Variants in MYCBPAP observed in about 807,000 individuals in gnomAD.
MYCBPAP encodes the protein MYCBP-associated protein.
In MYCBPAP, 60 loss-of-function variants were observed where a neutral mutation model predicts 106.1. That is an observed-to-expected ratio of 0.57 (90% confidence interval 0.46 to 0.70). The LOEUF (loss-of-function observed/expected upper bound fraction) is 0.70, where lower values mean the gene tolerates loss of function less well. Among genes scored for constraint, MYCBPAP ranks in the 30% least tolerant of loss-of-function variants. MYCBPAP has a pLI of 0.00. For synonymous variants in MYCBPAP, 407 were observed against 440.6 expected, an observed-to-expected ratio of 0.92 and a Z score of 0.95; for missense variants, 1,064 against 1,169.3, an observed-to-expected ratio of 0.91 and a Z score of 1.31.
At chr17:50,522,864 T>C (rs1332699072) in intron 10 of MYCBPAP, 75 bp from the exon 11 acceptor site, 2 of 1,478,164 alleles carry the variant, frequency 1.4e-6, no homozygotes, top group Admixed American at 2.0e-5. Context: ...AGAAAAGTCC[T>C]GGGCAGACCA....
chr17:50,525,487 T>C (rs190470420), intron 13 of MYCBPAP, among the ~76,000 whole-genome samples: 17 of 152,142 alleles, frequency 1.1e-4, no homozygotes, highest in Admixed American at 5.2e-4. Flanking sequence ...TATTTATTTT[T>C]GTTTATTTTT....
intron 6 of MYCBPAP, 200 bp downstream of exon 6, chr17:50,519,289 ACCACACAGG>A: frequency 1.7e-6 from 1 of 593,490 alleles, no homozygotes; most frequent in Non-Finnish European, 3.0e-6. Context: ...GCCTGTGGTG[ACCACACAGG>A]TAGCAAGTTA....
At chr17:50,510,347 C>T (rs749326626) in intron 1 of MYCBPAP, 5 of 151,510 alleles carry the variant, frequency 3.3e-5, no homozygotes, top group African/African-American at 4.9e-5. Flanking sequence ...TGAATAGCCA[C>T]TGCATTCCAG....
intron 5 of MYCBPAP, 74 bp downstream of exon 5, chr17:50,518,798 C>G: frequency 6.5e-7 from 1 of 1,538,988 alleles, no homozygotes; most frequent in Non-Finnish European, 8.8e-7. Flanking sequence ...TTGCTCTCCT[C>G]CAGAGCCTGG....
At position 50,526,995 on chromosome 17, in the gene MYCBPAP, G is replaced by A. The variant is rs553562673; in HGVS notation, c.2170-292G>A. On this transcript the variant is annotated intron_variant, in intron 14 of 18. Coordinates refer to ENST00000323776, the MANE Select transcript of MYCBPAP (RefSeq NM_032133.6). Reference sequence around the variant, plus strand: ...CTCCCAAAGTGCTGGGATTATAGGCGTGAGCCACTGTGCCCAGCTGGGTTA... The same window carrying A: ...CTCCCAAAGTGCTGGGATTATAGGCATGAGCCACTGTGCCCAGCTGGGTTA... 3.9e-5 allele frequency among the ~76,000 whole-genome samples: 6 copies of A among 152,362 alleles called. No homozygotes were observed. The South Asian group carries it at 6.2e-4, about 16-fold the overall frequency.
chr17:50,522,132 G>A (rs1316862762), intron 10 of MYCBPAP, 51 bp downstream of exon 10: 2 of 1,453,182 alleles, frequency 1.4e-6, no homozygotes, highest in Admixed American at 3.4e-5. Flanking sequence ...CAGGGGTGCA[G>A]CCCTGAGGTG....
chr17:50,518,945 A>T, intron 5 of MYCBPAP, 29 bp from the exon 6 acceptor site: 1 of 1,597,310 alleles, frequency 6.3e-7, no homozygotes, highest in Non-Finnish European at 8.6e-7. Context: ...GGTTCGGCAG[A>T]GTGGCGGCAA....
Position 50,526,047 on chromosome 17 carries a change from G to T in MYCBPAP, c.1949G>T (p.Ser650Ile), listed in dbSNP as rs747602769. The change falls in exon 14 of 19, where the codon AGC becomes ATC. Residue 650 changes from serine to isoleucine, a missense_variant. Physicochemically the swap from Ser to Ile is moderately radical, Grantham distance 142 (BLOSUM62 -2). Transcript: ENST00000323776. ...VNAELLPRFR[S>I]PISETQVPRP... ...GCTGAGCTGTTACCACGCTTTAGGA[G>T]CCCCATCTCCGAAACTCAAGTGCCC... is the stretch of plus-strand genomic sequence containing the variant. 6.2e-6 allele frequency: 10 copies of T among 1,613,838 alleles called. No homozygotes were observed. In the Admixed American group the frequency reaches 1.3e-4, roughly 22 times the overall value.
chr17:50,522,602 G>GA (rs2034298902), intron 10 of MYCBPAP: 1 of 150,072 alleles, frequency 6.7e-6, no homozygotes, highest in South Asian at 2.1e-4. Context: ...GCTGAGGCAG[G>GA]AGAATCGCTT....
In MYCBPAP at chr17:50,527,316, C is replaced by T. The variant is rs745454477; in HGVS notation, c.2199C>T (p.His733=). Residue 733 remains histidine (H), a synonymous_variant, in exon 15 of 19, where the codon CAC becomes CAT. Transcript: ENST00000323776. ...TGATGGTGCTCCCTGATGAGAACCA[C>T]AGAGAGGATGCGTTGATGAGGCTCA... ...KAVMVLPDEN[H]REDALMRLNK... 16 of 1,614,150 alleles carry T rather than the reference C, an allele frequency of 9.9e-6. No individual in the cohort carries two copies. Among genetic ancestry groups the T allele is most frequent in the Admixed American group, 1.7e-5 (1 of 60,018 alleles).
intron 13 of MYCBPAP, among the ~76,000 whole-genome samples, chr17:50,525,579 C>T (rs1005708732): frequency 1.3e-5 from 2 of 151,912 alleles, no homozygotes; most frequent in African/African-American, 4.8e-5. Flanking sequence ...CTCAAACTCC[C>T]CGGCTCAGGT....
chr17:50,527,474 C>A (rs752715215), intron 15 of MYCBPAP, 66 bp downstream of exon 15: 34 of 1,594,050 alleles, frequency 2.1e-5, no homozygotes, highest in Non-Finnish European at 2.8e-5. Context: ...GGGTCCTGGG[C>A]AGGCAGTCCT....
At chr17:50,529,667 C>A in intron 18 of MYCBPAP, 1 of 446,966 alleles carries the variant, frequency 2.2e-6, no homozygotes, top group South Asian at 1.6e-5. Flanking sequence ...GCAATAGGGT[C>A]TGATAGGCTT....
rs1217176467 is a variant in MYCBPAP at position 50,529,031 on chromosome 17, G to A, written c.2567G>A (p.Ser856Asn). The A allele has an allele frequency of 6.2e-6, 10 of 1,613,928 alleles. No homozygotes were observed. The highest frequency in any genetic ancestry group is 5.3e-5 in the African/African-American group (4 of 74,924). ...CTCCCCCAGCAGGACCGTCCCAACA[G>A]CAAGAAGCACAAGGCAAAGGATGAC... ...KLLGKEDRPN[S>N]KKHKAKDDKK... Residue 856 changes from serine to asparagine, a missense_variant, in exon 18 of 19, where the codon AGC becomes AAC. Transcript: ENST00000323776.
chr17:50,510,758 C>T (rs1362360036), intron 1 of MYCBPAP, among the ~76,000 whole-genome samples: 1 of 141,762 alleles, frequency 7.1e-6, no homozygotes, highest in Non-Finnish European at 1.5e-5. Context: ...TGGGCTCAAG[C>T]GATCCTCCCA....
chr17:50,519,464 A>T, intron 6 of MYCBPAP, 176 bp from the exon 7 acceptor site: 1 of 753,634 alleles, frequency 1.3e-6, no homozygotes, highest in Non-Finnish European at 2.1e-6. Context: ...GGTAAAGATG[A>T]CAACAGGGTG....
rs139010123 is a variant in MYCBPAP, at chr17:50,527,678, C to T, written c.2291+270C>T. ...AGCAGGGGAATGGAAAAAGGAGAAGCCAGAGGGCAGGAAGAAGACGGGGGG... is the reference window on the plus strand; with the variant it reads ...AGCAGGGGAATGGAAAAAGGAGAAGTCAGAGGGCAGGAAGAAGACGGGGGG... On this transcript the variant is annotated intron_variant, in intron 15 of 18. Transcript: ENST00000323776. Among the ~76,000 whole-genome samples, 181 of 152,288 alleles carry T rather than the reference C, an allele frequency of 1.2e-3. No individual in the cohort carries two copies. In the East Asian group the frequency reaches 0.033, roughly 28 times the overall value.
chr17:50,518,202 T>TTGGTCAGGCGCTAAGGGGCC (rs1331233539), intron 4 of MYCBPAP, among the ~76,000 whole-genome samples: 1 of 152,234 alleles, frequency 6.6e-6, no homozygotes, highest in Non-Finnish European at 1.5e-5. Context: ...CTGACTCTGA[T>TTGGTCAGGCGCTAAGGGGCC]TGGTCAGGCG....
chr17:50,523,217 C>T (rs2034342334), intron 11 of MYCBPAP, 89 bp downstream of exon 11: 3 of 1,349,486 alleles, frequency 2.2e-6, no homozygotes, highest in Admixed American at 3.8e-5. Context: ...TATGGCCCAG[C>T]TCCTGTAAGT....
Sources: gnomAD v4.1 joint callset for allele counts (sites outside exome capture counted in the v4.1 genomes callset) on GRCh38, gnomAD v4.1.1 for gene constraint, MANE v1.5 for transcripts, NCBI Gene and HGNC (gene_info 2026-07-23, HGNC 2026-07-21) for gene names.